The following SFRP4 variants were observed in gnomAD, a reference collection of about 807,000 sequenced individuals.
The protein encoded by SFRP4 is secreted frizzled-related protein 4.
SFRP4 carries 25 observed loss-of-function variants against 36.3 expected under a neutral mutation model. The ratio of observed to expected loss-of-function variants is 0.69; its 90% confidence interval spans 0.50 to 0.96. SFRP4 has a LOEUF of 0.96. SFRP4 is among the 40% of genes least tolerant of loss of function. SFRP4 has a pLI of 0.00. For missense variants in SFRP4, 487 were observed against 459.6 expected, an observed-to-expected ratio of 1.06 and a Z score of -0.54; for synonymous variants, 182 against 168.8, an observed-to-expected ratio of 1.08 and a Z score of -0.60.
intron 5 of SFRP4, 77 bp from the exon 6 acceptor site, chr7:37,907,741 C>G (rs1351223608): frequency 1.9e-6 from 2 of 1,058,476 alleles, no homozygotes; most frequent in East Asian, 2.4e-5. Flanking sequence ...AAAATTAAGG[C>G]AAGTTTTTCA....
At chr7:37,908,141 G>T (rs1032161838) in intron 5 of SFRP4, among the ~76,000 whole-genome samples, 2 of 152,138 alleles carry the variant, frequency 1.3e-5, no homozygotes, top group African/African-American at 4.8e-5. Flanking sequence ...TCAGGAGTTT[G>T]TTCACTTCAT....
intron 3 of SFRP4, among the ~76,000 whole-genome samples, chr7:37,912,890 C>T (rs925498114): frequency 6.6e-6 from 1 of 152,172 alleles, no homozygotes; most frequent in Non-Finnish European, 1.5e-5. Flanking sequence ...TGTCTCTGAC[C>T]AAGTTTTAAA....
At chr7:37,914,520 GAGCCCTCTGAAGATATAAACT>G in intron 1 of SFRP4, 67 bp from the exon 2 acceptor site, 1 of 1,104,684 alleles carries the variant, frequency 9.1e-7, no homozygotes, top group Non-Finnish European at 1.4e-6. Flanking sequence ...CTGGTATAAA[GAGCCCTCTGAAGATATAAACT>G]AAAACAGTAT....
At chr7:37,914,734 G>A (rs2131989694) in intron 1 of SFRP4, among the ~76,000 whole-genome samples, 1 of 152,192 alleles carries the variant, frequency 6.6e-6, no homozygotes, top group East Asian at 1.9e-4. Context: ...GCATGGTGGT[G>A]GATGCCTGTA....
rs1278633805 is a variant in SFRP4, at chr7:37,916,440, C to G, written c.98G>C (p.Arg33Pro). 6.2e-7 allele frequency: 1 copy of G among 1,613,840 alleles called. No individual in the cohort carries two copies. The highest frequency in any genetic ancestry group is 8.5e-7 in the Non-Finnish European group (1 of 1,179,916). Reference sequence around the variant, plus strand: ...CCGCGTGATGTTCCAGGGCATGTGCCGGCACATAGGGATGCGCACCGCCTC... The same window carrying G: ...CCGCGTGATGTTCCAGGGCATGTGCGGGCACATAGGGATGCGCACCGCCTC... ...PCEAVRIPMC[R>P]HMPWNITRMP... is the part of the protein sequence containing the mutation. The change falls in exon 1 of 6, where the codon CGG (arginine) becomes CCG (proline). Residue 33 changes from arginine to proline, a missense_variant. Physicochemically the swap from Arg to Pro is moderately radical, Grantham distance 103. Transcript: ENST00000436072. The surrounding 1 kb of genome is among the most constrained non-coding windows in gnomAD (Gnocchi z 4.1).
intron 4 of SFRP4, among the ~76,000 whole-genome samples, chr7:37,910,477 A>G (rs937024721): frequency 7.2e-5 from 11 of 151,788 alleles, no homozygotes; most frequent in Non-Finnish European, 1.3e-4. Context: ...TTGCCTTTCT[A>G]TCATTATTTG....
Position 37,907,199 on chromosome 7 carries a change from T to C in SFRP4, c.*280A>G, listed in dbSNP as rs1785409210. On this transcript the variant is annotated 3_prime_UTR_variant, in exon 6 of 6. Transcript: ENST00000436072. ...CATTATTTTCCCTACTCTTCTAGAGTATGCACACAGGTTACTCTGAATGCA... is the reference window on the plus strand; with the variant it reads ...CATTATTTTCCCTACTCTTCTAGAGCATGCACACAGGTTACTCTGAATGCA... 6.7e-6 allele frequency: 2 copies of C among 297,188 alleles called. No homozygotes were observed. Among genetic ancestry groups the C allele is most frequent in the Non-Finnish European group, 1.2e-5 (2 of 162,890 alleles). The allele number at this position is 297,188 out of a possible 1,614,324, so 18.4% of individuals were successfully genotyped here. A position where few individuals can be genotyped will look rare whatever the true frequency, so the allele number is the denominator to read the frequency against.
intron 4 of SFRP4, among the ~76,000 whole-genome samples, chr7:37,910,575 A>G (rs1252216594): frequency 1.3e-5 from 2 of 151,974 alleles, no homozygotes; most frequent in African/African-American, 4.8e-5. Flanking sequence ...ATGTTTACAA[A>G]TTACTTTTCT....
In SFRP4 at chr7:37,914,374, G is replaced by C; in HGVS notation, c.525C>G (p.Pro175=). The C allele has an allele frequency of 6.2e-7, 1 of 1,613,154 alleles. No individual in the cohort carries two copies. The highest frequency in any genetic ancestry group is 8.5e-7 in the Non-Finnish European group (1 of 1,179,124). The change falls in exon 2 of 6, where the codon CCC becomes CCG. Residue 175 remains proline, a splice_region_variant and synonymous_variant. Transcript: ENST00000436072. ...PLDVDCKRLS[P]DRCKCKKVKP... ...AACGTCCATGAAGAAAGAACTCACC[G>C]GGGCTTAGGCGTTTACAGTCAACAT...
chr7:37,909,680 C>T lies in SFRP4; in HGVS notation c.792G>A (p.Arg264=), dbSNP rs147388554. 1,515 of 1,562,410 alleles carry T rather than the reference C, an allele frequency of 9.7e-4. 4 individuals are homozygous for T. Among genetic ancestry groups the T allele is most frequent in the Non-Finnish European group, 1.1e-3 (1,279 of 1,148,090 alleles). The change falls in exon 5 of 6, where the codon AGG becomes AGA. Residue 264 remains arginine (R), a splice_region_variant and synonymous_variant. Transcript: ENST00000436072. ...CTAAGCAATTTTCAAGAAGCATCAT[C>T]CTGAAAAAAAATTATCTTAGTAAAC... ...VLIMCYEWRS[R]MMLLENCLVE...
At chr7:37,912,017 A>C (rs1017287330) in intron 4 of SFRP4, 102 bp downstream of exon 4, 10 of 841,334 alleles carry the variant, frequency 1.2e-5, no homozygotes, top group Middle Eastern at 3.3e-4. Context: ...TTTTAAAAAG[A>C]CTTTGGCATA....
Position 37,907,602 on chromosome 7 carries a change from C to A in SFRP4, c.918G>T (p.Gly306=). The change falls in exon 6 of 6, where the codon GGG becomes GGT. Residue 306 remains glycine, a synonymous_variant. Transcript: ENST00000436072. The part of the protein sequence containing the change: ...RTVQDKKKTA[G]RTSRSNPPKP... ...TGGGGGGATTACTACGACTGGTGCG[C>A]CCGGCTGTTTTCTTCTTGTCCTGAA... The A allele has an allele frequency of 6.2e-7, 1 of 1,613,842 alleles. No homozygotes were observed. The highest frequency in any genetic ancestry group is 8.5e-7 in the Non-Finnish European group (1 of 1,179,904).
At chr7:37,910,585 T>G (rs1201100341) in intron 4 of SFRP4, among the ~76,000 whole-genome samples, 1 of 152,118 alleles carries the variant, frequency 6.6e-6, no homozygotes, top group Non-Finnish European at 1.5e-5. Context: ...ATTACTTTTC[T>G]TTTCAGATAT....
At position 37,916,355 on chromosome 7, in the gene SFRP4, G is replaced by A. The variant is rs2131990919; in HGVS notation, c.183C>T (p.Tyr61=). 5 of 1,614,212 alleles carry A rather than the reference G, an allele frequency of 3.1e-6. No homozygotes were observed. The highest frequency in any genetic ancestry group is 2.2e-5 in the East Asian group (1 of 44,884). ...TGCAGTTCACGTCCACCAGCTCCTC[G>A]TACTGCTCGATGGCCAGGATGGCGT... The part of the protein sequence containing the change: ...QENAILAIEQ[Y]EELVDVNCSA... The change falls in exon 1 of 6, where the codon TAC becomes TAT. Residue 61 remains tyrosine, a synonymous_variant. Coordinates refer to ENST00000436072, the MANE Select transcript of SFRP4 (RefSeq NM_003014.4). The surrounding 1 kb of genome is among the most constrained non-coding windows in gnomAD (Gnocchi z 4.1).
intron 4 of SFRP4, among the ~76,000 whole-genome samples, chr7:37,910,272 G>C (rs1437175852): frequency 1.3e-5 from 2 of 151,816 alleles, no homozygotes; most frequent in African/African-American, 4.8e-5. Context: ...TTTGGATTTA[G>C]AATTAAGGAG....
chr7:37,912,142 G>C lies in SFRP4; in HGVS notation c.768C>G (p.Ile256Met). Reference sequence around the variant, plus strand: ...ACCTTGAGCGCCACTCGTAACACATGATGAGAACATCTTGATGGGGCAGGA... The same window carrying C: ...ACCTTGAGCGCCACTCGTAACACATCATGAGAACATCTTGATGGGGCAGGA... The part of the protein sequence containing the change: ...PHILPHQDVL[I>M]MCYEWRSRMM... Residue 256 changes from isoleucine to methionine, a missense_variant, in exon 4 of 6, where the codon ATC becomes ATG. Physicochemically the swap from Ile to Met is conservative, Grantham distance 10 (BLOSUM62 1). Coordinates refer to ENST00000436072, the MANE Select transcript of SFRP4 (RefSeq NM_003014.4). The C allele has an allele frequency of 6.2e-7, 1 of 1,614,088 alleles. No individual in the cohort carries two copies. The highest frequency in any genetic ancestry group is 8.5e-7 in the Non-Finnish European group (1 of 1,179,962).
intron 4 of SFRP4, among the ~76,000 whole-genome samples, chr7:37,910,280 G>GAGATAATTTTTTAAATGTTT (rs1785462961): frequency 2.0e-5 from 3 of 151,846 alleles, no homozygotes; most frequent in Admixed American, 2.0e-4. Flanking sequence ...TAGAATTAAG[G>GAGATAATTTTTTAAATGTTT]AGATAATTTT....
Position 37,916,513 on chromosome 7 carries a change from G to C in SFRP4, c.25C>G (p.Leu9Val). MFLSILVALCLWLHLALGV... is the reference protein window; with the variant it reads MFLSILVAVCLWLHLALGV... ...AGCGCCAGGTGCAGCCACAGGCACA[G>C]CGCCACTAGGATGGAGAGGAACATG... is the stretch of plus-strand genomic sequence containing the variant. The change falls in exon 1 of 6, where the codon CTG (leucine) becomes GTG (valine). Residue 9 changes from leucine (L) to valine (V), a missense_variant. Transcript: ENST00000436072. The surrounding 1 kb of genome is among the most constrained non-coding windows in gnomAD (Gnocchi z 4.1). 6.2e-7 allele frequency: 1 copy of C among 1,610,542 alleles called. No individual in the cohort carries two copies. Among genetic ancestry groups the C allele is most frequent in the Non-Finnish European group, 8.5e-7 (1 of 1,179,478 alleles).
chr7:37,908,050 A>G (rs1785425403), intron 5 of SFRP4, among the ~76,000 whole-genome samples: 1 of 152,162 alleles, frequency 6.6e-6, no homozygotes, highest in Non-Finnish European at 1.5e-5. Flanking sequence ...CCATAATGCA[A>G]CATTCCTACA....
Sources: gnomAD v4.1 joint callset for allele counts (sites outside exome capture counted in the v4.1 genomes callset) on GRCh38, gnomAD v4.1.1 for gene constraint, Gnocchi (gnomAD v3.1) non-coding constraint, MANE v1.5 for transcripts, NCBI Gene and HGNC (gene_info 2026-07-23, HGNC 2026-07-21) for gene names.